KSR2: variants seen among roughly 807,000 people sequenced by gnomAD.
KSR2 encodes the protein kinase suppressor of ras 2.
KSR2 carries 25 observed loss-of-function variants against 107.8 expected under a neutral mutation model. The ratio of observed to expected loss-of-function variants is 0.23; its 90% CI spans 0.17 to 0.32. The LOEUF is 0.32. Among genes scored for constraint, KSR2 ranks in the 10% least tolerant of loss-of-function variants. KSR2 has a pLI of 1.00. For missense variants in KSR2, 887 were observed against 1,268.9 expected, an observed-to-expected ratio of 0.70 and a Z score of 4.57; for synonymous variants, 480 against 507.0, an observed-to-expected ratio of 0.95 and a Z score of 0.71.
Position 117,723,692 on chromosome 12 carries a change from T to C in KSR2, c.986+37319A>G, listed in dbSNP as rs189550589. On this transcript the variant is annotated intron_variant, in intron 4 of 19. Transcript: ENST00000339824. Reference sequence around the variant, plus strand: ...ACCTAAGTCAACAGTATTGTACCAATGTCAATTTCATACTGTGGTTATGTA... The same window carrying C: ...ACCTAAGTCAACAGTATTGTACCAACGTCAATTTCATACTGTGGTTATGTA... Among the ~76,000 whole-genome samples, 497 of 152,218 alleles carry C rather than the reference T, an allele frequency of 3.3e-3. 1 individual carries two copies. Among genetic ancestry groups the C allele is most frequent in the Non-Finnish European group, 5.4e-3 (370 of 68,006 alleles).
At position 117,761,002 on chromosome 12, in the gene KSR2, CGCACTCACTT is replaced by C; in HGVS notation, c.985_986+8del. ...CGACCGCCCCAGGGCACCCACCGAT[CGCACTCACTT>C]GGGCGTGTGGGCCTCGTCCACGCGG... On this transcript the variant is annotated splice_donor_variant and splice_donor_5th_base_variant and coding_sequence_variant and intron_variant, in exon 4 of 20. Coordinates refer to ENST00000339824, the MANE Select transcript of KSR2 (RefSeq NM_173598.6). LOFTEE classifies it high-confidence loss of function. The C allele has an allele frequency of 6.2e-7, 1 of 1,613,142 alleles. No individual in the cohort carries two copies. Among genetic ancestry groups the C allele is most frequent in the African/African-American group, 1.3e-5 (1 of 75,034 alleles).
At position 117,465,104 on chromosome 12, in the gene KSR2, G is replaced by C. The variant is rs1238759781; in HGVS notation, c.*2095C>G. 1 of 152,254 alleles carries C rather than the reference G, an allele frequency of 6.6e-6. No homozygotes were observed. Among genetic ancestry groups the C allele is most frequent in the Non-Finnish European group, 1.5e-5 (1 of 68,118 alleles). 9.4% of individuals were successfully genotyped at this position (152,254 alleles called of 1,614,324 possible). ...GAGCCTGTGGACCCAAGAAGTCCTG[G>C]TGTGATGGAAGAGAAGTGAGTGGTT... On this transcript the variant is annotated 3_prime_UTR_variant, in exon 20 of 20. Transcript: ENST00000339824.
At chr12:117,910,807 T>C (rs1271994980) in intron 1 of KSR2, among the ~76,000 whole-genome samples, 1 of 152,172 alleles carries the variant, frequency 6.6e-6, no homozygotes, top group Non-Finnish European at 1.5e-5. Flanking sequence ...TGGCACACTA[T>C]AGCGCAGTCC....
At chr12:117,676,510 A>G (rs762250152) in intron 4 of KSR2, among the ~76,000 whole-genome samples, 6 of 152,210 alleles carry the variant, frequency 3.9e-5, no homozygotes, top group Non-Finnish European at 7.3e-5. Context: ...GAAGGATGAG[A>G]AAAAGGAAGA....
At chr12:117,762,492 T>C (rs1337102155) in intron 3 of KSR2, among the ~76,000 whole-genome samples, 1 of 152,200 alleles carries the variant, frequency 6.6e-6, no homozygotes, top group Non-Finnish European at 1.5e-5. Flanking sequence ...GCAGCCATGA[T>C]AGACAAGAAA....
intron 5 of KSR2, among the ~76,000 whole-genome samples, chr12:117,632,880 T>C (rs1882875977): frequency 6.6e-6 from 1 of 152,242 alleles, no homozygotes; most frequent in Non-Finnish European, 1.5e-5. Context: ...CATTCATTTT[T>C]ATGGCTGTGT....
In KSR2 at chr12:117,761,278, G is replaced by T. The variant is rs751057793; in HGVS notation, c.719C>A (p.Pro240Gln). 6.6e-7 allele frequency: 1 copy of T among 1,518,392 alleles called. No homozygotes were observed. The highest frequency in any genetic ancestry group is 8.8e-7 in the Non-Finnish European group (1 of 1,136,718). 94.1% of individuals were successfully genotyped at this position (1,518,392 alleles called of 1,614,324 possible). Residue 240 changes from proline (P) to glutamine (Q), a missense_variant, in exon 4 of 20, where the codon CCA becomes CAA. Physicochemically the swap from Pro to Gln is moderately conservative, Grantham distance 76. Transcript: ENST00000339824. ...DAYPGLCPPP[P>Q]LESGHRSLPP... is the part of the protein sequence containing the mutation. ...CAGGGAACGGTGGCCCGACTCCAGTGGCGGGGGCGGGCACAAGCCCGGGTA... is the reference window on the plus strand; with the variant it reads ...CAGGGAACGGTGGCCCGACTCCAGTTGCGGGGGCGGGCACAAGCCCGGGTA...
intron 3 of KSR2, among the ~76,000 whole-genome samples, chr12:117,825,538 G>C (rs1019490998): frequency 6.6e-6 from 1 of 152,156 alleles, no homozygotes; most frequent in African/African-American, 2.4e-5. Flanking sequence ...GCAGTCTTCA[G>C]ATCTCAGTTC....
chr12:117,556,220 G>T (rs1475780631), intron 8 of KSR2, among the ~76,000 whole-genome samples: 1 of 151,990 alleles, frequency 6.6e-6, no homozygotes, highest in East Asian at 1.9e-4. Flanking sequence ...CTTGAGGGTG[G>T]GTGGGAGGGA....
At chr12:117,510,871 C>T (rs1325278183) in intron 14 of KSR2, among the ~76,000 whole-genome samples, 3 of 119,584 alleles carry the variant, frequency 2.5e-5, no homozygotes, top group Admixed American at 8.1e-5. Flanking sequence ...GACTGAGACC[C>T]TGTCTCAAAA....
At chr12:117,646,832 G>C (rs2136423149) in intron 5 of KSR2, among the ~76,000 whole-genome samples, 1 of 152,240 alleles carries the variant, frequency 6.6e-6, no homozygotes, top group East Asian at 1.9e-4. Flanking sequence ...CCCTCCCGCA[G>C]TCCCCCAGCC....
Position 117,471,275 on chromosome 12 carries a change from G to A in KSR2, c.2628C>T (p.Thr876=). The change falls in exon 18 of 20, where the codon ACC becomes ACT. Residue 876 remains threonine (T), a synonymous_variant. Transcript: ENST00000339824. ...GCCAGATTATTGCCTCTGCTGGTTG[G>A]GTCTTGAAAGGCCATTCCCTGGCGT... ...ELHAREWPFK[T]QPAEAIIWQM... 1 of 1,613,788 alleles carries A rather than the reference G, an allele frequency of 6.2e-7. No individual in the cohort carries two copies. Among genetic ancestry groups the A allele is most frequent in the African/African-American group, 1.3e-5 (1 of 74,998 alleles).
intron 4 of KSR2, among the ~76,000 whole-genome samples, chr12:117,758,350 G>GT (rs1035780585): frequency 5.9e-5 from 9 of 152,092 alleles, no homozygotes; most frequent in Admixed American, 3.9e-4. Context: ...TTATGTTTTA[G>GT]TTTTTTTAAC....
intron 3 of KSR2, among the ~76,000 whole-genome samples, chr12:117,794,262 CCAA>C (rs1890489115): frequency 9.8e-6 from 1 of 102,500 alleles, no homozygotes; most frequent in African/African-American, 4.4e-5. Flanking sequence ...CACACATACA[CCAA>C]CATGCACACA....
chr12:117,676,020 G>A (rs1172160107), intron 4 of KSR2, among the ~76,000 whole-genome samples: 1 of 152,208 alleles, frequency 6.6e-6, no homozygotes, highest in African/African-American at 2.4e-5. Flanking sequence ...CTGATCCAAT[G>A]ACCCAAGAGG....
intron 3 of KSR2, among the ~76,000 whole-genome samples, chr12:117,769,823 G>A (rs1889372460): frequency 6.6e-6 from 1 of 152,112 alleles, no homozygotes; most frequent in South Asian, 2.1e-4. Context: ...GGAGGCCGAG[G>A]CGGGTGGATC....
At chr12:117,580,796 G>A (rs1319564719) in intron 6 of KSR2, among the ~76,000 whole-genome samples, 2 of 152,178 alleles carry the variant, frequency 1.3e-5, no homozygotes, top group African/African-American at 2.4e-5. Flanking sequence ...AGGGGGTGGG[G>A]CTGAGCCAGG....
At chr12:117,927,596 G>A (rs1188901708) in intron 1 of KSR2, among the ~76,000 whole-genome samples, 1 of 151,766 alleles carries the variant, frequency 6.6e-6, no homozygotes, top group Admixed American at 6.6e-5. Context: ...GGGAGAGTGA[G>A]CCAGAAGAAT....
chr12:117,732,402 C>T (rs1200740952), intron 4 of KSR2, among the ~76,000 whole-genome samples: 1 of 152,046 alleles, frequency 6.6e-6, no homozygotes, highest in Non-Finnish European at 1.5e-5. Context: ...AGTTCTCCTG[C>T]CTCAGCCTCC....
Sources: allele counts gnomAD v4.1 joint callset (sites outside exome capture counted in the v4.1 genomes callset), GRCh38; gene constraint gnomAD v4.1.1; transcripts MANE v1.5; gene names NCBI Gene and HGNC (gene_info 2026-07-23, HGNC 2026-07-21).